The following HS3ST1 variants were observed in gnomAD, a reference collection of about 807,000 sequenced individuals.
HS3ST1 encodes heparan sulfate glucosamine 3-O-sulfotransferase 1.
In HS3ST1, 8 loss-of-function variants were observed where a neutral mutation model predicts 20.7. The ratio of observed to expected loss-of-function variants is 0.39; its 90% CI spans 0.23 to 0.70. HS3ST1 has a LOEUF of 0.70. Ranked by LOEUF, HS3ST1 falls within the 30% of genes least tolerant of loss-of-function variation. The pLI is 0.46. For missense variants in HS3ST1, 436 were observed against 423.4 expected (o/e 1.03, Z -0.26); for synonymous variants, 205 against 190.4 (o/e 1.08, Z -0.63).
At chr4:11,403,922 ATGTG>A (rs1305308681) in intron 1 of HS3ST1, among the ~76,000 whole-genome samples, 2 of 152,232 alleles carry the variant, frequency 1.3e-5, no homozygotes, top group Non-Finnish European at 2.9e-5. Context: ...AAATGAAACA[ATGTG>A]TGTCAGGACT....
chr4:11,432,744 T>C (rs1719228883), upstream of HS3ST1, among the ~76,000 whole-genome samples: 1 of 152,218 alleles, frequency 6.6e-6, no homozygotes. Flanking sequence ...TAGAATTGTT[T>C]CTATTTCTTT....
At chr4:11,407,992 C>G (rs1312924296) in intron 1 of HS3ST1, among the ~76,000 whole-genome samples, 1 of 152,096 alleles carries the variant, frequency 6.6e-6, no homozygotes, top group Non-Finnish European at 1.5e-5. Context: ...TTGTTTGTTT[C>G]CTACTGTTGT....
chr4:11,428,299 A>G (rs1460274955), intron 1 of HS3ST1, among the ~76,000 whole-genome samples: 1 of 152,094 alleles, frequency 6.6e-6, no homozygotes, highest in Non-Finnish European at 1.5e-5. Context: ...TTCTGGCCCC[A>G]GGTGGTACCC....
chr4:11,399,972 C>T lies in HS3ST1; in HGVS notation c.34G>A (p.Val12Met). Reference sequence around the variant, plus strand: ...GAAGGCACTAGCTGGGGCTGGGCCACCAGCAGCACCGCGCCCAGGAGCAGC... The same window carrying T: ...GAAGGCACTAGCTGGGGCTGGGCCATCAGCAGCACCGCGCCCAGGAGCAGC... Reference protein sequence around the residue: ...AALLLGAVLLVAQPQLVPSRP... With the variant: ...AALLLGAVLLMAQPQLVPSRP... The change falls in exon 2 of 2, where the codon GTG (valine) becomes ATG (methionine). Residue 12 changes from valine to methionine, a missense_variant. Coordinates refer to ENST00000002596, the MANE Select transcript of HS3ST1 (RefSeq NM_005114.4). The surrounding 1 kb of genome is among the most constrained non-coding windows in gnomAD (Gnocchi z 5.1). 2 of 1,547,044 alleles carry T rather than the reference C, an allele frequency of 1.3e-6. No individual in the cohort carries two copies. The highest frequency in any genetic ancestry group is 1.7e-6 in the Non-Finnish European group (2 of 1,150,974).
At chr4:11,421,109 A>G (rs1718920748) in intron 1 of HS3ST1, among the ~76,000 whole-genome samples, 1 of 150,974 alleles carries the variant, frequency 6.6e-6, no homozygotes, top group Non-Finnish European at 1.5e-5. Context: ...AAATCTGGCA[A>G]ATCTACACAA....
In HS3ST1 at chr4:11,400,020, TGG is replaced by T; in HGVS notation, c.-17_-16del. ...AGCGCGGCCATGCTGGACACCACGG[TGG>T]CTTCACTGGGCCGCGCGCCGCTGGG... On this transcript the variant is annotated 5_prime_UTR_variant, in exon 2 of 2. Transcript: ENST00000002596. The T allele has an allele frequency of 6.7e-7, 1 of 1,484,024 alleles. No individual in the cohort carries two copies. The highest frequency in any genetic ancestry group is 8.9e-7 in the Non-Finnish European group (1 of 1,120,160). The allele number at this position is 1,484,024 out of a possible 1,614,324, so 91.9% of individuals were successfully genotyped here.
intron 1 of HS3ST1, among the ~76,000 whole-genome samples, chr4:11,420,915 G>T (rs16881652): frequency 2.6e-5 from 4 of 152,122 alleles, no homozygotes; most frequent in African/African-American, 7.2e-5. Context: ...GAAAAGAATC[G>T]TTCAGAACTG....
intron 1 of HS3ST1, among the ~76,000 whole-genome samples, chr4:11,406,183 G>T (rs1169563940): frequency 6.6e-6 from 1 of 152,200 alleles, no homozygotes; most frequent in Non-Finnish European, 1.5e-5. Context: ...AAGCACTTGG[G>T]TATAAATTAT....
chr4:11,428,061 A>C (rs1719106729), intron 1 of HS3ST1, among the ~76,000 whole-genome samples: 1 of 152,140 alleles, frequency 6.6e-6, no homozygotes, highest in Non-Finnish European at 1.5e-5. Flanking sequence ...GAAATAGAAA[A>C]CCACGAAGGG....
intron 1 of HS3ST1, among the ~76,000 whole-genome samples, chr4:11,423,286 A>G (rs910516634): frequency 6.6e-6 from 1 of 152,168 alleles, no homozygotes; most frequent in Non-Finnish European, 1.5e-5. Flanking sequence ...AGTTTTATTA[A>G]AATTGAGAGT....
At position 11,399,730 on chromosome 4, in the gene HS3ST1, C is replaced by A. The variant is rs202149392; in HGVS notation, c.276G>T (p.Trp92Cys). ...AAENEVHFFD[W>C]EEHYSHGLGW... is the part of the protein sequence containing the mutation. ...CCAAGCCGTGGCTGTAATGCTCCTCCCAGTCGAAGAAGTGGACCTCGTTCT... is the reference window on the plus strand; with the variant it reads ...CCAAGCCGTGGCTGTAATGCTCCTCACAGTCGAAGAAGTGGACCTCGTTCT... Residue 92 changes from tryptophan (W) to cysteine (C), a missense_variant, in exon 2 of 2, where the codon TGG (tryptophan) becomes TGT (cysteine). Transcript: ENST00000002596. The surrounding 1 kb of genome is among the most constrained non-coding windows in gnomAD (Gnocchi z 5.1). The A allele has an allele frequency of 3.8e-5, 62 of 1,613,888 alleles. No individual in the cohort carries two copies. The highest frequency in any genetic ancestry group is 3.3e-4 in the Middle Eastern group (2 of 6,060).
At chr4:11,428,982 GGCCGGGCCCGGAGGGAGA>G (rs1445203999), upstream of HS3ST1, 5 of 152,920 alleles carry the variant, frequency 3.3e-5, no homozygotes, top group Admixed American at 3.3e-4. Flanking sequence ...GGACGGAGGA[GGCCGGGCCCGGAGGGAGA>G]GCGCGTTGGG....
Position 11,399,202 on chromosome 4 carries a change from C to T in HS3ST1, c.804G>A (p.Glu268=). 6.2e-7 allele frequency: 1 copy of T among 1,614,142 alleles called. No homozygotes were observed. The highest frequency in any genetic ancestry group is 2.2e-5 in the East Asian group (1 of 44,880). ...CTTGGGGGTGCGCCCGGCCTTTGGA[C>T]TCATGTAAGCAGCGGTCCCGGCCGC... is the stretch of plus-strand genomic sequence containing the variant. The part of the protein sequence containing the change: ...RDSGRDRCLH[E]SKGRAHPQVD... Residue 268 remains glutamate (E), a synonymous_variant, in exon 2 of 2, where the codon GAG becomes GAA. Coordinates refer to ENST00000002596, the MANE Select transcript of HS3ST1 (RefSeq NM_005114.4). This position sits in a 1 kb window ranked among gnomAD's most constrained non-coding sequence, Gnocchi z 5.1.
chr4:11,430,001 G>C (rs1719172891), upstream of HS3ST1, among the ~76,000 whole-genome samples: 1 of 151,922 alleles, frequency 6.6e-6, no homozygotes, highest in Non-Finnish European at 1.5e-5. Context: ...TAAATATTTG[G>C]AAGACTTCGA....
intron 1 of HS3ST1, among the ~76,000 whole-genome samples, chr4:11,407,889 G>A (rs565303078): frequency 3.3e-5 from 5 of 152,328 alleles, no homozygotes; most frequent in Middle Eastern, 3.4e-3. Context: ...CTTTGGCATG[G>A]CTAGGACCCT....
Position 11,399,384 on chromosome 4 carries a change from G to C in HS3ST1, c.622C>G (p.Pro208Ala). The stretch of plus-strand genomic sequence containing the variant: ...TCCACAATGTGGATGTGGCGCAGCG[G>C]GAAAAAGCGCAGCCAGTTCTGCATG... ...VHMQNWLRFF[P>A]LRHIHIVDGD... Residue 208 changes from proline to alanine, a missense_variant, in exon 2 of 2, where the codon CCG becomes GCG. By Grantham distance (27) the Pro-to-Ala change is conservative (BLOSUM62 -1). Coordinates refer to ENST00000002596, the MANE Select transcript of HS3ST1 (RefSeq NM_005114.4). The surrounding 1 kb of genome is among the most constrained non-coding windows in gnomAD (Gnocchi z 5.1). 6.2e-7 allele frequency: 1 copy of C among 1,614,074 alleles called. No homozygotes were observed. The highest frequency in any genetic ancestry group is 1.1e-5 in the South Asian group (1 of 91,078).
intron 1 of HS3ST1, among the ~76,000 whole-genome samples, chr4:11,404,783 C>T (rs1317867885): frequency 1.3e-5 from 2 of 152,240 alleles, no homozygotes; most frequent in Non-Finnish European, 2.9e-5. Context: ...AGGCCACATC[C>T]TTGGCAAAAG....
chr4:11,399,828 T>C lies in HS3ST1; in HGVS notation c.178A>G (p.Ile60Val). Residue 60 changes from isoleucine to valine, a missense_variant, in exon 2 of 2, where the codon ATC becomes GTC. By Grantham distance (29) the Ile-to-Val change is conservative. Coordinates refer to ENST00000002596, the MANE Select transcript of HS3ST1 (RefSeq NM_005114.4). This position sits in a 1 kb window ranked among gnomAD's most constrained non-coding sequence, Gnocchi z 5.1. Reference sequence around the variant, plus strand: ...CGCGTGCCGCCCTTGCGCACGCCGATGATGATGGTCTGCGGCAACTGCTGG... The same window carrying C: ...CGCGTGCCGCCCTTGCGCACGCCGACGATGATGGTCTGCGGCAACTGCTGG... ...SAQQLPQTII[I>V]GVRKGGTRAL... 6.2e-7 allele frequency: 1 copy of C among 1,612,960 alleles called. No homozygotes were observed. Among genetic ancestry groups the C allele is most frequent in the South Asian group, 1.1e-5 (1 of 91,050 alleles).
intron 1 of HS3ST1, among the ~76,000 whole-genome samples, chr4:11,404,617 A>T (rs889425904): frequency 1.3e-5 from 2 of 152,252 alleles, no homozygotes; most frequent in African/African-American, 2.4e-5. Flanking sequence ...AAGAACCAGG[A>T]AGGCAGGTTT....
Sources: gnomAD v4.1 joint callset for allele counts (sites outside exome capture counted in the v4.1 genomes callset) on GRCh38, gnomAD v4.1.1 for gene constraint, Gnocchi (gnomAD v3.1) non-coding constraint, MANE v1.5 for transcripts, NCBI Gene and HGNC (gene_info 2026-07-23, HGNC 2026-07-21) for gene names.